The following PRRG1 variants were observed in gnomAD, a reference collection of about 807,000 sequenced individuals.
PRRG1 encodes the protein proline rich and Gla domain 1, also known as transmembrane gamma-carboxyglutamic acid protein 1.
In PRRG1, 5 loss-of-function variants were observed where a neutral mutation model predicts 11.8. The observed-to-expected ratio is 0.42, with a 90% CI of 0.22 to 0.89. The LOEUF is 0.89. Ranked by LOEUF, PRRG1 falls within the 40% of genes least tolerant of loss-of-function variation. PRRG1 has a pLI of 0.28. For missense variants in PRRG1, 155 were observed against 166.1 expected, an observed-to-expected ratio of 0.93 and a Z score of 0.37; for synonymous variants, 66 against 60.4, an observed-to-expected ratio of 1.09 and a Z score of -0.43.
At chrX:37,447,031 TGA>T (rs1933090058) in intron 3 of PRRG1, among the ~76,000 whole-genome samples, 1 of 111,551 alleles carries the variant, frequency 9.0e-6, no homozygotes, top group African/African-American at 3.3e-5. Context: ...ACTTCCAACA[TGA>T]GTTTTATTTT....
chrX:37,392,077 T>C (rs1395140162), intron 1 of PRRG1, among the ~76,000 whole-genome samples: 1 of 111,485 alleles, frequency 9.0e-6, no homozygotes, highest in Non-Finnish European at 1.9e-5. Flanking sequence ...GGCTGCCAGT[T>C]TTTTGTGTCC....
At chrX:37,365,351 G>A (rs782001287) in intron 1 of PRRG1, among the ~76,000 whole-genome samples, 12 of 111,403 alleles carry the variant, frequency 1.1e-4, no homozygotes, top group Non-Finnish European at 1.9e-4. Context: ...CATGGCACCA[G>A]GAAGTGACTG....
At chrX:37,355,780 T>C (rs957683933) in intron 1 of PRRG1, among the ~76,000 whole-genome samples, 4 of 112,493 alleles carry the variant, frequency 3.6e-5, no homozygotes, top group African/African-American at 1.3e-4. Flanking sequence ...GTGGAATGGA[T>C]TTTTTCAAGT....
intron 2 of PRRG1, among the ~76,000 whole-genome samples, chrX:37,416,289 A>G (rs782600604): frequency 7.5e-4 from 84 of 112,177 alleles, no homozygotes; most frequent in Non-Finnish European, 1.2e-3. Flanking sequence ...GATTACAACT[A>G]TCACATAGAA....
At chrX:37,393,174 A>G (rs1019726789) in intron 1 of PRRG1, among the ~76,000 whole-genome samples, 1 of 110,772 alleles carries the variant, frequency 9.0e-6, no homozygotes. Context: ...CAGCATTTTG[A>G]TGCTCTTCCC....
At chrX:37,400,626 C>G (rs1431424623) in intron 1 of PRRG1, among the ~76,000 whole-genome samples, 3 of 111,585 alleles carry the variant, frequency 2.7e-5, no homozygotes, top group Admixed American at 9.5e-5. Flanking sequence ...AAAAAAATAA[C>G]TAAAATCAGA....
intron 3 of PRRG1, among the ~76,000 whole-genome samples, chrX:37,433,584 G>A (rs782185077): frequency 9.7e-6 from 1 of 103,582 alleles, no homozygotes; most frequent in African/African-American, 3.6e-5. Flanking sequence ...TTTTTTAATT[G>A]TTACCTCCCC....
chrX:37,411,843 G>T (rs1300737216), intron 2 of PRRG1, among the ~76,000 whole-genome samples: 1 of 111,882 alleles, frequency 8.9e-6, no homozygotes, highest in Non-Finnish European at 1.9e-5. Flanking sequence ...ATTTTGCTTT[G>T]TTATATACAA....
chrX:37,361,073 T>C (rs1930393694), intron 1 of PRRG1, among the ~76,000 whole-genome samples: 1 of 112,451 alleles, frequency 8.9e-6, no homozygotes. Context: ...CCGGGTGCGG[T>C]GGCTCACGCC....
At position 37,432,280 on chromosome X, in the gene PRRG1, C is replaced by G. The variant is rs868951576; in HGVS notation, c.171+6280C>G. On this transcript the variant is annotated intron_variant, in intron 3 of 3. Transcript: ENST00000378628. Reference sequence around the variant, plus strand: ...TTTTTTGTATTTTTAGTAGAGACGGCTTTCACCCTGTTAGCCAGGATGGTC... The same window carrying G: ...TTTTTTGTATTTTTAGTAGAGACGGGTTTCACCCTGTTAGCCAGGATGGTC... Among the ~76,000 whole-genome samples the G allele has an allele frequency of 1.9e-3, 195 of 103,379 alleles. 1 individual carries two copies. The highest frequency in any genetic ancestry group is 6.4e-3 in the African/African-American group (158 of 24,568). 89.8% of individuals were successfully genotyped at this position (103,379 alleles called of 115,157 possible). A position where few individuals can be genotyped will look rare whatever the true frequency, so the allele number is the denominator to read the frequency against.
intron 2 of PRRG1, among the ~76,000 whole-genome samples, chrX:37,407,814 G>C (rs946867160): frequency 1.8e-5 from 2 of 111,923 alleles, no homozygotes; most frequent in African/African-American, 6.5e-5. Context: ...CTTGGGTCAT[G>C]CAAGCAACTG....
rs782106290 is a variant in PRRG1, at chrX:37,414,511, T to C, written c.10+8252T>C. Among the ~76,000 whole-genome samples, 32 of 112,607 alleles carry C rather than the reference T, an allele frequency of 2.8e-4. No individual in the cohort carries two copies. The South Asian group carries it at 0.011, about 40-fold the overall frequency. Reference sequence around the variant, plus strand: ...AGATGGATCAGTGGTTTCCAATGTGTTCGGTGAAGCCACAGATCTTCTAAA... The same window carrying C: ...AGATGGATCAGTGGTTTCCAATGTGCTCGGTGAAGCCACAGATCTTCTAAA... On this transcript the variant is annotated intron_variant, in intron 2 of 3. Coordinates refer to ENST00000378628, the MANE Select transcript of PRRG1 (RefSeq NM_001142395.2).
At chrX:37,441,886 G>A in intron 3 of PRRG1, 3 of 774,824 alleles carry the variant, frequency 3.9e-6, no homozygotes, top group South Asian at 6.2e-5. Context: ...ACACCAGCTG[G>A]CCATGGAGAA....
chrX:37,401,878 A>G (rs1365223913), intron 1 of PRRG1, among the ~76,000 whole-genome samples: 1 of 110,735 alleles, frequency 9.0e-6, no homozygotes, highest in Non-Finnish European at 1.9e-5. Context: ...GTGAACTCCC[A>G]TTCACAATTG....
chrX:37,372,359 G>A lies in PRRG1; in HGVS notation c.-42+22964G>A, dbSNP rs182438599. ...TGTTCTGTTGCCCAGGCTGGAGTGCGGTGGCACAATCTCAGCTCACTGCAA... is the reference window on the plus strand; with the variant it reads ...TGTTCTGTTGCCCAGGCTGGAGTGCAGTGGCACAATCTCAGCTCACTGCAA... On this transcript the variant is annotated intron_variant, in intron 1 of 3. Transcript: ENST00000378628. 6.9e-4 allele frequency among the ~76,000 whole-genome samples: 77 copies of A among 111,777 alleles called. No homozygotes were observed. In the East Asian group the frequency reaches 0.021, roughly 31 times the overall value.
intron 1 of PRRG1, among the ~76,000 whole-genome samples, chrX:37,387,311 A>G (rs1931358960): frequency 8.9e-6 from 1 of 112,408 alleles, no homozygotes; most frequent in African/African-American, 3.2e-5. Flanking sequence ...GAATTAAGGT[A>G]TTTATTGTCT....
chrX:37,384,814 A>G (rs1488141045), intron 1 of PRRG1, among the ~76,000 whole-genome samples: 1 of 112,061 alleles, frequency 8.9e-6, no homozygotes, highest in Admixed American at 9.5e-5. Flanking sequence ...GTAAGAATAT[A>G]GAGATATAGA....
intron 1 of PRRG1, among the ~76,000 whole-genome samples, chrX:37,352,262 A>G (rs1197454404): frequency 1.8e-5 from 2 of 112,914 alleles, no homozygotes; most frequent in African/African-American, 6.4e-5. Context: ...CAAAGCAGAC[A>G]GAGAACTATG....
At chrX:37,431,021 T>C (rs1269778667) in intron 3 of PRRG1, among the ~76,000 whole-genome samples, 1 of 112,355 alleles carries the variant, frequency 8.9e-6, no homozygotes, top group Admixed American at 9.4e-5. Flanking sequence ...CCTTTTGATA[T>C]TGGCTTTTTA....
Sources: allele counts gnomAD v4.1 joint callset (sites outside exome capture counted in the v4.1 genomes callset), GRCh38; gene constraint gnomAD v4.1.1; transcripts MANE v1.5; gene names NCBI Gene and HGNC (gene_info 2026-07-23, HGNC 2026-07-21).